GRB14: variants seen among roughly 807,000 people sequenced by gnomAD.
GRB14 encodes the protein growth factor receptor bound protein 14.
In GRB14, 38 loss-of-function variants were observed where a neutral mutation model predicts 69.1. The observed-to-expected ratio is 0.55, with a 90% confidence interval of 0.42 to 0.72. The LOEUF (loss-of-function observed/expected upper bound fraction) is 0.72, where lower values mean the gene tolerates loss of function less well. GRB14 is among the 30% of genes least tolerant of loss of function. GRB14 has a pLI of 0.00. For synonymous variants in GRB14, 247 were observed against 241.3 expected (o/e 1.02, Z -0.22); for missense variants, 666 against 666.1 (o/e 1.00, Z 0.00).
intron 12 of GRB14, among the ~76,000 whole-genome samples, chr2:164,495,010 C>T (rs147981962): frequency 6.4e-4 from 97 of 152,028 alleles, no homozygotes; most frequent in African/African-American, 2.1e-3. Context: ...GGAGTGCTCT[C>T]GGCTCACTGC....
At chr2:164,593,293 CTATA>C (rs1159818893) in intron 2 of GRB14, among the ~76,000 whole-genome samples, 2 of 151,814 alleles carry the variant, frequency 1.3e-5, no homozygotes, top group African/African-American at 4.8e-5. Context: ...TATTATTAAA[CTATA>C]TATACATTCT....
intron 2 of GRB14, among the ~76,000 whole-genome samples, chr2:164,575,808 GAGCAAACACAAAGCTAAGAA>G (rs1689238333): frequency 6.6e-6 from 1 of 152,034 alleles, no homozygotes. Flanking sequence ...CTAATAAAAA[GAGCAAACACAAAGCTAAGAA>G]AGCAGAACAT....
At chr2:164,612,149 TA>T (rs893980700) in intron 2 of GRB14, among the ~76,000 whole-genome samples, 1 of 152,210 alleles carries the variant, frequency 6.6e-6, no homozygotes, top group Admixed American at 6.5e-5. Context: ...GAAGCAATTT[TA>T]AAAACGGTAC....
intron 2 of GRB14, among the ~76,000 whole-genome samples, chr2:164,553,556 C>T (rs1399205489): frequency 2.0e-5 from 3 of 152,184 alleles, no homozygotes; most frequent in South Asian, 2.1e-4. Flanking sequence ...TGATATTCCA[C>T]GCAGTAAATC....
At chr2:164,618,441 G>A (rs1377919524) in intron 2 of GRB14, among the ~76,000 whole-genome samples, 1 of 152,132 alleles carries the variant, frequency 6.6e-6, no homozygotes, top group Non-Finnish European at 1.5e-5. Flanking sequence ...AAGGTCTCAA[G>A]AGAGTCTCCT....
chr2:164,617,866 A>C (rs533141650), intron 2 of GRB14, among the ~76,000 whole-genome samples: 3 of 149,790 alleles, frequency 2.0e-5, no homozygotes, highest in African/African-American at 7.3e-5. Context: ...TAATTTGGGA[A>C]CTACCTATTA....
intron 2 of GRB14, among the ~76,000 whole-genome samples, chr2:164,598,222 T>C (rs910084882): frequency 2.0e-5 from 3 of 152,150 alleles, no homozygotes; most frequent in Non-Finnish European, 4.4e-5. Flanking sequence ...AGATAACAAG[T>C]TGGCATTCAG....
chr2:164,604,183 A>T (rs1689991587), intron 2 of GRB14, among the ~76,000 whole-genome samples: 3 of 152,222 alleles, frequency 2.0e-5, no homozygotes, highest in African/African-American at 7.2e-5. Flanking sequence ...ACCTAGTAGA[A>T]CTGAACATGC....
chr2:164,594,039 G>A (rs1488265017), intron 2 of GRB14, among the ~76,000 whole-genome samples: 1 of 152,100 alleles, frequency 6.6e-6, no homozygotes, highest in Admixed American at 6.5e-5. Flanking sequence ...AAAAAATTTT[G>A]ATGTGACCAT....
rs117910310 is a variant in GRB14 at position 164,503,375 on chromosome 2, C to T, written c.1024-1040G>A. Among the ~76,000 whole-genome samples, 68 of 132,956 alleles carry T rather than the reference C, an allele frequency of 5.1e-4. 1 individual carries two copies. In the East Asian group the frequency reaches 0.014, roughly 27 times the overall value. 87.2% of individuals were successfully genotyped at this position (132,956 alleles called of 152,430 possible). A position where few individuals can be genotyped will look rare whatever the true frequency, so the allele number is the denominator to read the frequency against. ...TAAACATTCCAGCAGAGCTGTTTTT[C>T]TACTAAAGAAAAATAGTCATTCCCT... On this transcript the variant is annotated intron_variant, in intron 8 of 13. Transcript: ENST00000263915.
chr2:164,543,393 A>G (rs946814536), intron 3 of GRB14, among the ~76,000 whole-genome samples: 7 of 152,314 alleles, frequency 4.6e-5, no homozygotes, highest in African/African-American at 1.7e-4. Flanking sequence ...ATAAAAAGAA[A>G]TAAAGCCACA....
chr2:164,610,576 GTAAA>G (rs1480351502), intron 2 of GRB14, among the ~76,000 whole-genome samples: 2 of 151,864 alleles, frequency 1.3e-5, no homozygotes, highest in East Asian at 3.8e-4. Context: ...ATTTATTTTG[GTAAA>G]TAGAGTCTGT....
At chr2:164,497,125 C>T in intron 11 of GRB14, 30 bp from the exon 12 acceptor site, 1 of 1,607,228 alleles carries the variant, frequency 6.2e-7, no homozygotes, top group Non-Finnish European at 8.5e-7. Context: ...GAATGCAAAG[C>T]TTTGTTTGAG....
chr2:164,509,806 A>C (rs201334266), intron 6 of GRB14, among the ~76,000 whole-genome samples: 24 of 151,128 alleles, frequency 1.6e-4, no homozygotes, highest in Admixed American at 1.4e-3. Context: ...AAAAAAAAAA[A>C]AAAAAAACAC....
At chr2:164,594,476 A>G (rs2105347958) in intron 2 of GRB14, among the ~76,000 whole-genome samples, 1 of 152,354 alleles carries the variant, frequency 6.6e-6, no homozygotes, top group South Asian at 2.1e-4. Flanking sequence ...TGTCAAAGCC[A>G]TGCGTAGAGT....
intron 3 of GRB14, among the ~76,000 whole-genome samples, chr2:164,545,188 TA>T (rs1276971843): frequency 1.3e-5 from 2 of 152,210 alleles, no homozygotes; most frequent in Non-Finnish European, 2.9e-5. Flanking sequence ...ATAAATTATT[TA>T]AAATGATTTT....
chr2:164,502,625 A>C (rs1412695048), intron 8 of GRB14, among the ~76,000 whole-genome samples: 5 of 151,758 alleles, frequency 3.3e-5, no homozygotes, highest in Admixed American at 3.3e-4. Flanking sequence ...TACCACAACT[A>C]TCTGGAGTAG....
intron 3 of GRB14, among the ~76,000 whole-genome samples, chr2:164,546,006 A>G (rs1688364143): frequency 6.6e-6 from 1 of 152,248 alleles, no homozygotes; most frequent in East Asian, 1.9e-4. Flanking sequence ...CTACACTACC[A>G]TAAAGAGAAC....
chr2:164,620,611 C>A (rs1204074469), intron 1 of GRB14, among the ~76,000 whole-genome samples: 1 of 152,114 alleles, frequency 6.6e-6, no homozygotes, highest in Non-Finnish European at 1.5e-5. Flanking sequence ...ATGTGCAACT[C>A]TAAAGGCACT....
Sources: gnomAD v4.1 joint callset for allele counts (sites outside exome capture counted in the v4.1 genomes callset) on GRCh38, gnomAD v4.1.1 for gene constraint, MANE v1.5 for transcripts, NCBI Gene and HGNC (gene_info 2026-07-23, HGNC 2026-07-21) for gene names.